COL4A5: variants seen among roughly 807,000 people sequenced by gnomAD.
COL4A5 encodes the protein collagen alpha-5(IV) chain.
A neutral mutation model predicts 130.2 loss-of-function variants in COL4A5; 26 were observed. That is an observed-to-expected ratio of 0.20 (90% CI 0.15 to 0.28). COL4A5 has a LOEUF of 0.28. Among genes scored for constraint, COL4A5 ranks in the 10% least tolerant of loss-of-function variants. The pLI, the probability that COL4A5 is intolerant of heterozygous loss-of-function variation, is 1.00. For synonymous variants in COL4A5, 496 were observed against 439.6 expected (o/e 1.13, Z -1.60); for missense variants, 1,131 against 1,344.3 (o/e 0.84, Z 2.48).
intron 42 of COL4A5, among the ~76,000 whole-genome samples, chrX:108,673,065 A>G (rs2068235998): frequency 8.9e-6 from 1 of 112,117 alleles, no homozygotes; most frequent in Non-Finnish European, 1.9e-5. Context: ...CACAATTTAC[A>G]TCATATAATG....
intron 41 of COL4A5, among the ~76,000 whole-genome samples, chrX:108,669,249 T>C (rs1452027167): frequency 1.8e-5 from 2 of 112,490 alleles, no homozygotes; most frequent in Non-Finnish European, 3.8e-5. Flanking sequence ...TGATAGGTTA[T>C]GAACAGATTT....
chrX:108,568,274 A>C (rs28523391), intron 4 of COL4A5, among the ~76,000 whole-genome samples: 42,252 of 109,925 alleles, frequency 0.38, 7,775 homozygotes, highest in East Asian at 0.72. Context: ...TCTTCAGTGG[A>C]AATATATTTG....
intron 1 of COL4A5, among the ~76,000 whole-genome samples, chrX:108,477,562 C>T (rs1297460840): frequency 9.0e-6 from 1 of 110,508 alleles, no homozygotes; most frequent in Non-Finnish European, 1.9e-5. Context: ...GCCTGTAATC[C>T]CAGCACTTTG....
At chrX:108,471,160 A>T (rs997624866) in intron 1 of COL4A5, among the ~76,000 whole-genome samples, 2 of 111,850 alleles carry the variant, frequency 1.8e-5, no homozygotes, top group Non-Finnish European at 3.8e-5. Context: ...ATGTATAAAT[A>T]GTCTTTTTCT....
chrX:108,568,101 C>T (rs1415747669), intron 4 of COL4A5, among the ~76,000 whole-genome samples: 1 of 111,759 alleles, frequency 8.9e-6, no homozygotes, highest in Non-Finnish European at 1.9e-5. Flanking sequence ...GGTAATTTTG[C>T]TAGATATTTT....
chrX:108,606,026 T>C (rs2066723216), intron 28 of COL4A5, among the ~76,000 whole-genome samples: 3 of 112,086 alleles, frequency 2.7e-5, no homozygotes, highest in African/African-American at 9.7e-5. Context: ...TATTTTTATA[T>C]ATTTTATCTC....
chrX:108,559,090 A>T lies in COL4A5; in HGVS notation c.168A>T (p.Glu56Asp). The stretch of plus-strand genomic sequence containing the variant: ...GAGAGAGAGGGTTTCCAGGTTTGGA[A>T]GGACACCCAGGATTGCCTGGATTTC... Reference protein sequence around the residue: ...EKGERGFPGLEGHPGLPGFPG... With the variant: ...EKGERGFPGLDGHPGLPGFPG... The change falls in exon 3 of 53, where the codon GAA becomes GAT. Residue 56 changes from glutamate (E) to aspartate (D), a missense_variant. Physicochemically the swap from Glu to Asp is conservative, Grantham distance 45 (BLOSUM62 2). Transcript: ENST00000328300. 8.3e-7 allele frequency: 1 copy of T among 1,210,547 alleles called. No homozygotes were observed. Among genetic ancestry groups the T allele is most frequent in the Non-Finnish European group, 1.1e-6 (1 of 894,381 alleles).
At chrX:108,628,375 C>A (rs753026961) in intron 36 of COL4A5, among the ~76,000 whole-genome samples, 1 of 111,258 alleles carries the variant, frequency 9.0e-6, no homozygotes, top group Non-Finnish European at 1.9e-5. Flanking sequence ...AGTAACTCTA[C>A]ACCTTTATAC....
intron 1 of COL4A5, among the ~76,000 whole-genome samples, chrX:108,499,012 A>T (rs2065057029): frequency 9.0e-6 from 1 of 110,945 alleles, no homozygotes; most frequent in Non-Finnish European, 1.9e-5. Context: ...ATTGCGGTGG[A>T]TGAGCTCAAT....
At chrX:108,479,514 T>A (rs1425005236) in intron 1 of COL4A5, among the ~76,000 whole-genome samples, 1 of 111,824 alleles carries the variant, frequency 8.9e-6, no homozygotes, top group Non-Finnish European at 1.9e-5. Context: ...TGCCTGCATA[T>A]CGTGCAGAAC....
intron 13 of COL4A5, among the ~76,000 whole-genome samples, chrX:108,580,013 C>T (rs2147774867): frequency 8.9e-6 from 1 of 111,781 alleles, no homozygotes; most frequent in South Asian, 3.7e-4. Context: ...TAGAAACACC[C>T]TATTATCTTT....
chrX:108,509,461 G>T (rs1367977384), intron 1 of COL4A5, among the ~76,000 whole-genome samples: 3 of 111,821 alleles, frequency 2.7e-5, no homozygotes, highest in Non-Finnish European at 5.6e-5. Flanking sequence ...AAATTTACAA[G>T]AGAAAAACCA....
At chrX:108,662,578 CAG>C (rs1259731289) in intron 37 of COL4A5, among the ~76,000 whole-genome samples, 1 of 111,420 alleles carries the variant, frequency 9.0e-6, no homozygotes, top group Non-Finnish European at 1.9e-5. Flanking sequence ...AATAGACAAA[CAG>C]AGAGCCAAAT....
chrX:108,597,321 C>A lies in COL4A5; in HGVS notation c.1588-56C>A, dbSNP rs908578694. 3.6e-6 allele frequency: 4 copies of A among 1,120,429 alleles called. No individual in the cohort carries two copies. In the African/African-American group the frequency reaches 5.5e-5, roughly 15 times the overall value. The allele number at this position is 1,120,429 out of a possible 1,213,427, so 92.3% of individuals were successfully genotyped here. On this transcript the variant is annotated intron_variant, in intron 23 of 52. Transcript: ENST00000328300. ...TGTTAGAAAAAAAGAAACTGATTTT[C>A]TTTTTCTCTTTCTTCTTTTTCCACT...
chrX:108,544,368 A>G lies in COL4A5; in HGVS notation c.141+4563A>G, dbSNP rs902915876. Reference sequence around the variant, plus strand: ...CTTTTCTGCATCTATTGAGATAATCATGTGGTTTTTGTCTTTGGTTCTGTT... The same window carrying G: ...CTTTTCTGCATCTATTGAGATAATCGTGTGGTTTTTGTCTTTGGTTCTGTT... On this transcript the variant is annotated intron_variant, in intron 2 of 52. Transcript: ENST00000328300. Among the ~76,000 whole-genome samples the G allele has an allele frequency of 7.8e-4, 88 of 112,331 alleles. 2 individuals carry two copies. The highest frequency in any genetic ancestry group is 1.9e-4 in the Non-Finnish European group (10 of 53,315).
intron 2 of COL4A5, among the ~76,000 whole-genome samples, chrX:108,547,365 G>A (rs1014033841): frequency 7.1e-5 from 8 of 111,890 alleles, no homozygotes; most frequent in East Asian, 2.8e-4. Context: ...GGAGTTTGCC[G>A]GAGGTCCACT....
intron 33 of COL4A5, 85 bp downstream of exon 33, chrX:108,622,910 A>G: frequency 1.1e-6 from 1 of 933,142 alleles, no homozygotes. Context: ...GACTTATAAT[A>G]CAGAATTCAC....
At chrX:108,544,362 A>G (rs1021591978) in intron 2 of COL4A5, among the ~76,000 whole-genome samples, 1 of 112,412 alleles carries the variant, frequency 8.9e-6, no homozygotes, top group African/African-American at 3.2e-5. Context: ...ATCTATTGAG[A>G]TAATCATGTG....
intron 1 of COL4A5, among the ~76,000 whole-genome samples, chrX:108,452,117 G>C (rs1320139084): frequency 5.4e-5 from 6 of 111,726 alleles, no homozygotes; most frequent in African/African-American, 9.8e-5. Flanking sequence ...TCAGGTTTGT[G>C]AAAGATCAGA....
Sources: gnomAD v4.1 joint callset for allele counts (sites outside exome capture counted in the v4.1 genomes callset) on GRCh38, gnomAD v4.1.1 for gene constraint, MANE v1.5 for transcripts, NCBI Gene and HGNC (gene_info 2026-07-23, HGNC 2026-07-21) for gene names.